Variants in DNAH10 observed in about 807,000 individuals in gnomAD.
DNAH10 encodes dynein axonemal heavy chain 10, also known as axonemal beta dynein heavy chain 10.
DNAH10 carries 348 observed loss-of-function variants against 506.6 expected under a neutral mutation model. The observed-to-expected ratio is 0.69, with a 90% confidence interval of 0.63 to 0.75. The LOEUF (loss-of-function observed/expected upper bound fraction) is 0.75. Ranked by LOEUF, DNAH10 falls within the 30% of genes least tolerant of loss-of-function variation. DNAH10 has a pLI of 0.00. For synonymous variants in DNAH10, 2,059 were observed against 2,198.6 expected, an observed-to-expected ratio of 0.94 and a Z score of 1.78; for missense variants, 5,179 against 5,787.1, an observed-to-expected ratio of 0.89 and a Z score of 3.41.
intron 18 of DNAH10, among the ~76,000 whole-genome samples, chr12:123,806,746 G>A (rs1254893068): frequency 6.8e-6 from 1 of 148,140 alleles, no homozygotes; most frequent in East Asian, 2.0e-4. Flanking sequence ...CTCCTATAGT[G>A]TTTCCCTTAC....
chr12:123,898,918 C>T, intron 56 of DNAH10, 104 bp downstream of exon 56: 5 of 1,424,432 alleles, frequency 3.5e-6, no homozygotes, highest in African/African-American at 1.5e-5. Flanking sequence ...GGACAGGGCT[C>T]TGCCAGGCCG....
chr12:123,841,142 A>G (rs542774585), intron 29 of DNAH10, among the ~76,000 whole-genome samples, 180 bp from the exon 30 acceptor site: 1 of 152,336 alleles, frequency 6.6e-6, no homozygotes, highest in South Asian at 2.1e-4. Context: ...GAAAATCCCC[A>G]ATAAGTGTCT....
intron 43 of DNAH10, 97 bp from the exon 44 acceptor site, chr12:123,870,269 A>G: frequency 6.7e-7 from 1 of 1,492,680 alleles, no homozygotes; most frequent in Non-Finnish European, 9.0e-7. Flanking sequence ...GCCTCCGTGC[A>G]GTACAAGCAA....
rs753080369 is a variant in DNAH10, at chr12:123,841,411, C to G, written c.5226C>G (p.Val1742=). The G allele has an allele frequency of 1.3e-5, 21 of 1,613,848 alleles. No individual in the cohort carries two copies. In the East Asian group the frequency reaches 4.2e-4, roughly 33 times the overall value. ...CGATGATTTCAGCAGAAGGAGAAGTCATGGAGTTTCGGAAGATCTTGCGGG... is the reference window on the plus strand; with the variant it reads ...CGATGATTTCAGCAGAAGGAGAAGTGATGGAGTTTCGGAAGATCTTGCGGG... The part of the protein sequence containing the change: ...VSAMISAEGE[V]MEFRKILRAE... The change falls in exon 30 of 79, where the codon GTC becomes GTG. Residue 1742 remains valine, a synonymous_variant. Coordinates refer to ENST00000673944, the MANE Select transcript of DNAH10 (RefSeq NM_001372106.1).
At position 123,909,681 on chromosome 12, in the gene DNAH10, C is replaced by G. The variant is rs574080781; in HGVS notation, c.9997+239C>G. ...AGCCGTGCCCACTGAGGGTTCGATT[C>G]GGCACTAGTCCTAGCTCTCCGTGTC... On this transcript the variant is annotated intron_variant, in intron 58 of 78. Coordinates refer to ENST00000673944, the MANE Select transcript of DNAH10 (RefSeq NM_001372106.1). The surrounding 1 kb of genome is among the most constrained non-coding windows in gnomAD (Gnocchi z 5.4). Among the ~76,000 whole-genome samples, 8 of 152,200 alleles carry G rather than the reference C, an allele frequency of 5.3e-5. No individual in the cohort carries two copies. Among genetic ancestry groups the G allele is most frequent in the African/African-American group, 1.9e-4 (8 of 41,438 alleles).
At chr12:123,895,079 A>G (rs530521819) in intron 54 of DNAH10, among the ~76,000 whole-genome samples, 1 of 152,338 alleles carries the variant, frequency 6.6e-6, no homozygotes, top group South Asian at 2.1e-4. Flanking sequence ...GGCTGCTTTT[A>G]TGCTACAACC....
chr12:123,803,688 A>G lies in DNAH10; in HGVS notation c.2642A>G (p.Lys881Arg). ...ATCGGTGACTATATAACTGGTTGCA[A>G]ACAGGCCATTGGGAAATTTGAGTCT... ...LGIGDYITGC[K>R]QAIGKFESLV... The change falls in exon 17 of 79, where the codon AAA becomes AGA. Residue 881 changes from lysine to arginine, a missense_variant. Transcript: ENST00000673944. The G allele has an allele frequency of 6.2e-7, 1 of 1,605,510 alleles. No homozygotes were observed. The highest frequency in any genetic ancestry group is 8.5e-7 in the Non-Finnish European group (1 of 1,178,012).
intron 70 of DNAH10, 49 bp from the exon 71 acceptor site, chr12:123,929,226 C>T (rs1169736554): frequency 1.0e-5 from 16 of 1,536,886 alleles, no homozygotes; most frequent in Non-Finnish European, 1.2e-5. Flanking sequence ...CTCTTCCAAG[C>T]TTGTGGGCCT....
rs367954139 is a variant in DNAH10 at position 123,803,425 on chromosome 12, GT to G, written c.2615-235del. 3.6e-3 allele frequency among the ~76,000 whole-genome samples: 552 copies of G among 152,260 alleles called. 2 individuals are homozygous for G. Among genetic ancestry groups the G allele is most frequent in the African/African-American group, 0.013 (526 of 41,536 alleles). ...TCCCCATGGTGCTCCAGCCAGGACC[GT>G]GCTAACATTTGAATAGAAGAGATGC... On this transcript the variant is annotated intron_variant, in intron 16 of 78. Transcript: ENST00000673944.
In DNAH10 at chr12:123,925,138, G is replaced by A. The variant is rs759123879; in HGVS notation, c.11855G>A (p.Arg3952His). 1.3e-5 allele frequency: 21 copies of A among 1,613,830 alleles called. No homozygotes were observed. The highest frequency in any genetic ancestry group is 1.6e-4 in the Middle Eastern group (1 of 6,084). ...ITPFQKLLIL[R>H]CFRVDRVYRA... The stretch of plus-strand genomic sequence containing the variant: ...CCTTTCCAGAAGTTGCTTATTTTGC[G>A]CTGTTTCCGTGTGGATCGGGTCTAT... Residue 3952 changes from arginine to histidine, a missense_variant, in exon 68 of 79, where the codon CGC becomes CAC. Coordinates refer to ENST00000673944, the MANE Select transcript of DNAH10 (RefSeq NM_001372106.1). This position sits in a 1 kb window ranked among gnomAD's most constrained non-coding sequence, Gnocchi z 4.0.
rs1960258273 is a variant in DNAH10 at position 123,828,980 on chromosome 12, C to T, written c.4392-1566C>T. Reference sequence around the variant, plus strand: ...TATGTTGAGTGTGGACCCTCTAATCCACCACCAGGGTTATGTCACAGGCTG... The same window carrying T: ...TATGTTGAGTGTGGACCCTCTAATCTACCACCAGGGTTATGTCACAGGCTG... On this transcript the variant is annotated intron_variant, in intron 25 of 78. Coordinates refer to ENST00000673944, the MANE Select transcript of DNAH10 (RefSeq NM_001372106.1). Among the ~76,000 whole-genome samples, 3 of 152,314 alleles carry T rather than the reference C, an allele frequency of 2.0e-5. No homozygotes were observed. In the South Asian group the frequency reaches 6.2e-4, roughly 32 times the overall value.
chr12:123,773,522 C>T (rs1257041793), intron 4 of DNAH10, among the ~76,000 whole-genome samples: 1 of 152,180 alleles, frequency 6.6e-6, no homozygotes, highest in Non-Finnish European at 1.5e-5. Flanking sequence ...GGGGCTTCAC[C>T]AACAAACATC....
rs1957917012 is a variant in DNAH10 at position 123,787,788 on chromosome 12, T to C, written c.1422-16T>C. On this transcript the variant is annotated splice_polypyrimidine_tract_variant and intron_variant, in intron 9 of 78. Coordinates refer to ENST00000673944, the MANE Select transcript of DNAH10 (RefSeq NM_001372106.1). The surrounding 1 kb of genome is among the most constrained non-coding windows in gnomAD (Gnocchi z 4.6). ...GCTCCGCCCTCCTCCCATCACGGCA[T>C]CTCTTGGCTTCGCAGAGAAAATCGA... 5 of 1,610,594 alleles carry C rather than the reference T, an allele frequency of 3.1e-6. No homozygotes were observed. Among genetic ancestry groups the C allele is most frequent in the Non-Finnish European group, 4.2e-6 (5 of 1,178,728 alleles).
chr12:123,884,261 C>T (rs1346476783), intron 51 of DNAH10, among the ~76,000 whole-genome samples: 1 of 152,212 alleles, frequency 6.6e-6, no homozygotes, highest in East Asian at 1.9e-4. Flanking sequence ...TCTTGAACTC[C>T]TGACCTAAGA....
intron 19 of DNAH10, among the ~76,000 whole-genome samples, chr12:123,810,614 A>G (rs1594084742): frequency 6.6e-6 from 1 of 151,880 alleles, no homozygotes. Flanking sequence ...AATGGTGTGA[A>G]CCCAGGAGGC....
chr12:123,771,828 G>A, intron 3 of DNAH10, 130 bp downstream of exon 3: 2 of 756,606 alleles, frequency 2.6e-6, no homozygotes, highest in Admixed American at 2.7e-5. Context: ...GGATCCCAAG[G>A]CCACCCTCAG....
At chr12:123,801,625 A>G (rs1302459937) in intron 16 of DNAH10, among the ~76,000 whole-genome samples, 193 bp downstream of exon 16, 2 of 152,132 alleles carry the variant, frequency 1.3e-5, no homozygotes, top group Non-Finnish European at 1.5e-5. Context: ...GAGGGGTGAT[A>G]TTTTCACACT....
Position 123,819,700 on chromosome 12 carries a change from GTT to G in DNAH10, c.4000+471_4000+472del, listed in dbSNP as rs768231077. Among the ~76,000 whole-genome samples, 693 of 101,760 alleles carry G rather than the reference GTT, an allele frequency of 6.8e-3. 6 individuals carry two copies. Among genetic ancestry groups the G allele is most frequent in the African/African-American group, 0.026 (654 of 24,862 alleles). The allele number at this position is 101,760 out of a possible 152,430, so 66.8% of individuals were successfully genotyped here. A position where few individuals can be genotyped will look rare whatever the true frequency, so the allele number is the denominator to read the frequency against. On this transcript the variant is annotated intron_variant, in intron 23 of 78. Coordinates refer to ENST00000673944, the MANE Select transcript of DNAH10 (RefSeq NM_001372106.1). ...GACAAGTTAAAAATACTAAAATTCT[GTT>G]TTTTTTTTTTTTTTTTTTTTGAGAC...
chr12:123,885,244 A>G (rs963598815), intron 51 of DNAH10, among the ~76,000 whole-genome samples: 1 of 152,216 alleles, frequency 6.6e-6, no homozygotes, highest in Non-Finnish European at 1.5e-5. Context: ...CAATGGGTTA[A>G]AGTTATATGT....
Sources: gnomAD v4.1 joint callset for allele counts (sites outside exome capture counted in the v4.1 genomes callset) on GRCh38, gnomAD v4.1.1 for gene constraint, Gnocchi (gnomAD v3.1) non-coding constraint, MANE v1.5 for transcripts, NCBI Gene and HGNC (gene_info 2026-07-23, HGNC 2026-07-21) for gene names.